DDX10: variants seen among roughly 807,000 people sequenced by gnomAD.
The protein encoded by DDX10 is probable ATP-dependent RNA helicase DDX10.
A neutral mutation model predicts 104.3 loss-of-function variants in DDX10; 74 were observed. That is an observed-to-expected ratio of 0.71 (90% CI 0.59 to 0.86). The LOEUF (loss-of-function observed/expected upper bound fraction) is 0.86. Ranked by LOEUF, DDX10 falls within the 40% of genes least tolerant of loss-of-function variation. The pLI is 0.00. For missense variants in DDX10, 952 were observed against 1,040.0 expected, an observed-to-expected ratio of 0.92 and a Z score of 1.16; for synonymous variants, 351 against 353.4, an observed-to-expected ratio of 0.99 and a Z score of 0.08.
chr11:108,696,916 A>T (rs568741491), intron 9 of DDX10, among the ~76,000 whole-genome samples: 53 of 152,158 alleles, frequency 3.5e-4, no homozygotes, highest in African/African-American at 1.2e-3. Context: ...AAGATTCTAG[A>T]GGGGGGAATA....
chr11:108,797,510 A>C (rs758259960), intron 13 of DDX10, among the ~76,000 whole-genome samples: 3 of 152,196 alleles, frequency 2.0e-5, no homozygotes, highest in Non-Finnish European at 4.4e-5. Context: ...AAAATAGATA[A>C]ATGATTTATA....
chr11:108,870,295 C>G (rs1423766836), intron 16 of DDX10, among the ~76,000 whole-genome samples: 1 of 152,172 alleles, frequency 6.6e-6, no homozygotes, highest in Non-Finnish European at 1.5e-5. Flanking sequence ...TATCCTCCCA[C>G]TCTTCTATCC....
intron 16 of DDX10, among the ~76,000 whole-genome samples, chr11:108,886,651 C>T (rs1863299771): frequency 6.6e-6 from 1 of 152,164 alleles, no homozygotes; most frequent in Non-Finnish European, 1.5e-5. Flanking sequence ...AACAAAGTAG[C>T]TTTTATTTAT....
intron 1 of DDX10, among the ~76,000 whole-genome samples, chr11:108,671,581 A>G (rs1353014243): frequency 6.6e-6 from 1 of 152,208 alleles, no homozygotes; most frequent in African/African-American, 2.4e-5. Context: ...AAAGGGCTGG[A>G]TAGTCTGTGT....
intron 13 of DDX10, among the ~76,000 whole-genome samples, chr11:108,797,588 C>A (rs1359573451): frequency 6.6e-6 from 1 of 152,204 alleles, no homozygotes; most frequent in Admixed American, 6.5e-5. Context: ...GTACATTCAG[C>A]ATATGACCAG....
intron 6 of DDX10, among the ~76,000 whole-genome samples, chr11:108,684,804 T>G (rs1407330033): frequency 2.0e-5 from 3 of 148,988 alleles, no homozygotes; most frequent in East Asian, 2.0e-4. Context: ...TGAACTAGTT[T>G]ACAGTCCCAC....
intron 17 of DDX10, 162 bp downstream of exon 17, chr11:108,918,180 C>G (rs951020717): frequency 1.4e-6 from 1 of 697,700 alleles, no homozygotes; most frequent in Admixed American, 2.8e-5. Flanking sequence ...TGTTTTTTTA[C>G]TCATTTTGCT....
chr11:108,693,823 T>C (rs1378538141), intron 9 of DDX10, among the ~76,000 whole-genome samples: 4 of 152,218 alleles, frequency 2.6e-5, no homozygotes, highest in Non-Finnish European at 5.9e-5. Flanking sequence ...TTTCTTGTAC[T>C]TTACTTTTCA....
chr11:108,706,871 A>G (rs751073030), intron 10 of DDX10, 34 bp downstream of exon 10: 4 of 1,552,952 alleles, frequency 2.6e-6, no homozygotes, highest in Non-Finnish European at 3.6e-6. Context: ...TGTTTTTAGG[A>G]AAATGAGGGC....
At chr11:108,870,834 C>T (rs879405568) in intron 16 of DDX10, among the ~76,000 whole-genome samples, 25 of 152,146 alleles carry the variant, frequency 1.6e-4, no homozygotes, top group South Asian at 2.1e-4. Context: ...ATCACCAGTG[C>T]CTAGACCGAT....
intron 13 of DDX10, among the ~76,000 whole-genome samples, chr11:108,777,800 G>A (rs1018250887): frequency 6.6e-5 from 10 of 152,126 alleles, no homozygotes; most frequent in African/African-American, 1.9e-4. Context: ...AAACCTCATC[G>A]TCTCAGCCCA....
intron 6 of DDX10, among the ~76,000 whole-genome samples, chr11:108,679,928 T>A (rs2094232358): frequency 6.6e-6 from 1 of 152,214 alleles, no homozygotes; most frequent in Non-Finnish European, 1.5e-5. Context: ...TTTAATATTT[T>A]CAGGGACATT....
chr11:108,793,529 C>T (rs1335720408), intron 13 of DDX10, among the ~76,000 whole-genome samples: 4 of 151,988 alleles, frequency 2.6e-5, no homozygotes, highest in South Asian at 2.1e-4. Flanking sequence ...AAATTTCAGG[C>T]GTGCTGGAAT....
chr11:108,848,466 A>C (rs1188211090), intron 15 of DDX10, among the ~76,000 whole-genome samples: 1 of 152,174 alleles, frequency 6.6e-6, no homozygotes, highest in Non-Finnish European at 1.5e-5. Context: ...TTTTCATGAC[A>C]ACCCTTTTTC....
At chr11:108,869,592 A>G (rs1285445875) in intron 16 of DDX10, among the ~76,000 whole-genome samples, 1 of 152,120 alleles carries the variant, frequency 6.6e-6, no homozygotes, top group East Asian at 1.9e-4. Context: ...GTCTTGCTGT[A>G]AATTTCAGTC....
At chr11:108,761,830 T>A (rs2094351200) in intron 13 of DDX10, among the ~76,000 whole-genome samples, 1 of 152,122 alleles carries the variant, frequency 6.6e-6, no homozygotes, top group East Asian at 1.9e-4. Context: ...TTTCCTGTAG[T>A]GTACATTATG....
chr11:108,892,170 T>G (rs1229215411), intron 16 of DDX10, among the ~76,000 whole-genome samples: 1 of 151,910 alleles, frequency 6.6e-6, no homozygotes, highest in African/African-American at 2.4e-5. Flanking sequence ...GTCTTGGGAG[T>G]GGATCCCTCA....
At chr11:108,814,845 T>C (rs940829488) in intron 13 of DDX10, among the ~76,000 whole-genome samples, 1 of 152,224 alleles carries the variant, frequency 6.6e-6, no homozygotes, top group Non-Finnish European at 1.5e-5. Flanking sequence ...TTAGTGCCAT[T>C]GATTAAATAA....
chr11:108,706,717 G>T, intron 9 of DDX10, 22 bp from the exon 10 acceptor site: 1 of 1,588,192 alleles, frequency 6.3e-7, no homozygotes, highest in Non-Finnish European at 8.6e-7. Context: ...ATGTGTTAAA[G>T]ATTTTGTTTC....
Sources: allele counts gnomAD v4.1 joint callset (sites outside exome capture counted in the v4.1 genomes callset), GRCh38; gene constraint gnomAD v4.1.1; transcripts MANE v1.5; gene names NCBI Gene and HGNC (gene_info 2026-07-23, HGNC 2026-07-21).